LOXL2: variants seen among roughly 807,000 people sequenced by gnomAD.
LOXL2 encodes lysyl oxidase homolog 2.
Under a neutral mutation model 93.0 loss-of-function variants are expected in LOXL2, and 70 were observed. The ratio of observed to expected loss-of-function variants is 0.75; its 90% CI spans 0.62 to 0.92. LOXL2 has a LOEUF of 0.92. Among genes scored for constraint, LOXL2 ranks in the 40% least tolerant of loss-of-function variants. The pLI, the probability that LOXL2 is intolerant of heterozygous loss-of-function variation, is 0.00. For missense variants in LOXL2, 973 were observed against 1,054.9 expected (o/e 0.92, Z 1.08); for synonymous variants, 438 against 413.2 (o/e 1.06, Z -0.73).
At chr8:23,389,051 C>A (rs1316484031) in intron 1 of LOXL2, among the ~76,000 whole-genome samples, 1 of 152,196 alleles carries the variant, frequency 6.6e-6, no homozygotes, top group African/African-American at 2.4e-5. Flanking sequence ...CTGCTACACT[C>A]CAGAATCCCT....
At chr8:23,340,536 C>T (rs1438744325) in intron 4 of LOXL2, among the ~76,000 whole-genome samples, 1 of 152,202 alleles carries the variant, frequency 6.6e-6, no homozygotes, top group African/African-American at 2.4e-5. Flanking sequence ...GTCTCAATTA[C>T]CTGCTGCAAC....
At chr8:23,302,968 G>C (rs1803165680) in intron 11 of LOXL2, among the ~76,000 whole-genome samples, 1 of 152,166 alleles carries the variant, frequency 6.6e-6, no homozygotes, top group African/African-American at 2.4e-5. Flanking sequence ...AGTGGGAGGG[G>C]CATACGCATC....
chr8:23,381,992 A>G lies in LOXL2; in HGVS notation c.-83-13558T>C, dbSNP rs574111528. Among the ~76,000 whole-genome samples the G allele has an allele frequency of 1.5e-3, 233 of 152,332 alleles. 2 individuals are homozygous for G. Among genetic ancestry groups the G allele is most frequent in the Non-Finnish European group, 1.2e-3 (80 of 68,016 alleles). On this transcript the variant is annotated intron_variant, in intron 1 of 13. Coordinates refer to ENST00000389131, the MANE Select transcript of LOXL2 (RefSeq NM_002318.3). ...TCGGAGTAGACCCCTCATTCTGGGA[A>G]AGACAGCAGAGGGGACCAGGCAAAC...
intron 5 of LOXL2, among the ~76,000 whole-genome samples, chr8:23,332,639 CCACACT>C (rs1335536318): frequency 1.5e-5 from 2 of 130,634 alleles, no homozygotes; most frequent in Admixed American, 7.5e-5. Context: ...TCATACACAC[CCACACT>C]CACACGCTCA....
intron 1 of LOXL2, among the ~76,000 whole-genome samples, chr8:23,387,657 A>G (rs2117232632): frequency 6.6e-6 from 1 of 152,312 alleles, no homozygotes; most frequent in South Asian, 2.1e-4. Flanking sequence ...GTACTTAAAA[A>G]CAACTTTTTA....
At chr8:23,303,643 T>G (rs915030463) in intron 10 of LOXL2, among the ~76,000 whole-genome samples, 8 of 152,166 alleles carry the variant, frequency 5.3e-5, no homozygotes, top group Non-Finnish European at 8.8e-5. Flanking sequence ...TGAATGGGAA[T>G]GATCATCGTA....
chr8:23,331,246 G>A (rs942026698), intron 5 of LOXL2, among the ~76,000 whole-genome samples: 3 of 152,096 alleles, frequency 2.0e-5, no homozygotes, highest in Non-Finnish European at 4.4e-5. Context: ...CATGGCTGGG[G>A]GAAAGCTGGT....
intron 4 of LOXL2, among the ~76,000 whole-genome samples, chr8:23,340,382 C>A (rs1220959269): frequency 5.9e-5 from 9 of 152,122 alleles, no homozygotes; most frequent in Non-Finnish European, 1.3e-4. Context: ...TGGAATCCTT[C>A]CACTGGACAC....
rs1166556557 is a variant in LOXL2, at chr8:23,367,987, G to C, written c.355+10C>G. On this transcript the variant is annotated intron_variant, in intron 2 of 13. Transcript: ENST00000389131. ...TGACAGCACTCAGATCCAAAGCACA[G>C]AGCGTTTACCTTCTCCCTTGCCGTA... 5 of 1,605,244 alleles carry C rather than the reference G, an allele frequency of 3.1e-6. No homozygotes were observed. The highest frequency in any genetic ancestry group is 4.3e-6 in the Non-Finnish European group (5 of 1,174,788).
chr8:23,393,702 T>A (rs1314537358), intron 1 of LOXL2, among the ~76,000 whole-genome samples: 1 of 152,022 alleles, frequency 6.6e-6, no homozygotes, highest in Admixed American at 6.6e-5. Flanking sequence ...TTAAACTTTA[T>A]CAAAATAAAA....
chr8:23,329,717 G>A (rs1001887120), intron 5 of LOXL2, among the ~76,000 whole-genome samples: 1 of 152,224 alleles, frequency 6.6e-6, no homozygotes, highest in East Asian at 1.9e-4. Flanking sequence ...CAGAGTCATT[G>A]CCTGCCCTAG....
At chr8:23,335,847 TATC>T (rs1803780801) in intron 4 of LOXL2, among the ~76,000 whole-genome samples, 1 of 152,180 alleles carries the variant, frequency 6.6e-6, no homozygotes, top group African/African-American at 2.4e-5. Context: ...CAGACACAGT[TATC>T]ATCTCTCCTT....
intron 1 of LOXL2, among the ~76,000 whole-genome samples, chr8:23,392,537 C>T (rs1804860798): frequency 6.6e-6 from 1 of 152,198 alleles, no homozygotes; most frequent in Admixed American, 6.5e-5. Flanking sequence ...TCTTCTGGGC[C>T]TCTTTTTAAA....
In LOXL2 at chr8:23,297,913, A is replaced by G. The variant is rs1228049741; in HGVS notation, c.*130T>C. 1.0e-5 allele frequency: 7 copies of G among 683,224 alleles called. No homozygotes were observed. Among genetic ancestry groups the G allele is most frequent in the Non-Finnish European group, 1.8e-5 (7 of 385,608 alleles). 42.3% of individuals were successfully genotyped at this position (683,224 alleles called of 1,614,324 possible). On this transcript the variant is annotated 3_prime_UTR_variant, in exon 14 of 14. Transcript: ENST00000389131. ...TCCTCCTGAGCTTAGACACAGCTGTAGGGGTCTGGACAGGGTGGGGGCCGG... is the reference window on the plus strand; with the variant it reads ...TCCTCCTGAGCTTAGACACAGCTGTGGGGGTCTGGACAGGGTGGGGGCCGG...
chr8:23,305,118 A>G (rs1803209028), intron 10 of LOXL2, among the ~76,000 whole-genome samples: 1 of 152,212 alleles, frequency 6.6e-6, no homozygotes, highest in Non-Finnish European at 1.5e-5. Flanking sequence ...TGAAGGAGCA[A>G]GAAGAGACAT....
At chr8:23,358,308 C>G (rs925004391) in intron 3 of LOXL2, among the ~76,000 whole-genome samples, 2 of 152,202 alleles carry the variant, frequency 1.3e-5, no homozygotes, top group African/African-American at 2.4e-5. Context: ...CCTGGAAATC[C>G]TTTCCTATGC....
intron 3 of LOXL2, chr8:23,341,529 C>G (rs1585359258): frequency 1.4e-5 from 6 of 422,046 alleles, no homozygotes; most frequent in Non-Finnish European, 2.2e-5. Flanking sequence ...CAGCAGCCTC[C>G]TCCTGCACAG....
At chr8:23,351,970 C>T (rs531904134) in intron 3 of LOXL2, among the ~76,000 whole-genome samples, 1 of 152,294 alleles carries the variant, frequency 6.6e-6, no homozygotes, top group Admixed American at 6.5e-5. Context: ...ACCACCATGC[C>T]CAACTAATTT....
At chr8:23,385,446 G>T (rs1460235288) in intron 1 of LOXL2, among the ~76,000 whole-genome samples, 1 of 147,462 alleles carries the variant, frequency 6.8e-6, no homozygotes, top group African/African-American at 2.5e-5. Flanking sequence ...TTTCAGTAGA[G>T]AAGGGGTTTC....
Sources: allele counts gnomAD v4.1 joint callset (sites outside exome capture counted in the v4.1 genomes callset), GRCh38; gene constraint gnomAD v4.1.1; transcripts MANE v1.5; gene names NCBI Gene and HGNC (gene_info 2026-07-23, HGNC 2026-07-21).